Variants in CTNNA3 observed in about 807,000 individuals in gnomAD.
The protein encoded by CTNNA3 is catenin alpha 3.
Under a neutral mutation model 95.7 loss-of-function variants are expected in CTNNA3, and 76 were observed. The ratio of observed to expected loss-of-function variants is 0.79; its 90% CI spans 0.66 to 0.96. CTNNA3 has a LOEUF of 0.96. Among genes scored for constraint, CTNNA3 ranks in the 40% least tolerant of loss-of-function variants. The pLI, the probability that CTNNA3 is intolerant of heterozygous loss-of-function variation, is 0.00. For synonymous variants in CTNNA3, 431 were observed against 374.4 expected, an observed-to-expected ratio of 1.15 and a Z score of -1.74; for missense variants, 1,191 against 1,089.8, an observed-to-expected ratio of 1.09 and a Z score of -1.31.
chr10:66,620,190 T>C (rs1844695936), intron 10 of CTNNA3, among the ~76,000 whole-genome samples: 1 of 152,160 alleles, frequency 6.6e-6, no homozygotes, highest in Non-Finnish European at 1.5e-5. Flanking sequence ...GGACACCCAG[T>C]AGGTGCTCCA....
intron 2 of CTNNA3, among the ~76,000 whole-genome samples, chr10:67,621,599 A>G (rs1843846699): frequency 6.6e-6 from 1 of 152,050 alleles, no homozygotes. Flanking sequence ...AATACAAAAA[A>G]TTAGCTGGGC....
At chr10:66,397,294 A>T (rs564196657) in intron 11 of CTNNA3, among the ~76,000 whole-genome samples, 20 of 151,872 alleles carry the variant, frequency 1.3e-4, no homozygotes, top group African/African-American at 4.6e-4. Context: ...TTAAACAGAG[A>T]ACTCTTATAG....
intron 11 of CTNNA3, among the ~76,000 whole-genome samples, chr10:66,404,960 G>A (rs1354242610): frequency 1.3e-5 from 2 of 152,174 alleles, no homozygotes; most frequent in Non-Finnish European, 2.9e-5. Context: ...AAGTAAGCGT[G>A]ATATCCTAAA....
intron 13 of CTNNA3, among the ~76,000 whole-genome samples, chr10:66,205,778 C>T (rs1564763758): frequency 6.6e-6 from 1 of 151,774 alleles, no homozygotes; most frequent in Non-Finnish European, 1.5e-5. Flanking sequence ...ATAAAATGAT[C>T]CATTTATCCA....
At chr10:65,953,917 G>A (rs1165829800) in intron 17 of CTNNA3, among the ~76,000 whole-genome samples, 1 of 152,092 alleles carries the variant, frequency 6.6e-6, no homozygotes, top group Non-Finnish European at 1.5e-5. Flanking sequence ...GGGATGGCTG[G>A]GTCAAATGGT....
chr10:67,527,167 G>T (rs1840170570), intron 4 of CTNNA3, among the ~76,000 whole-genome samples: 1 of 152,146 alleles, frequency 6.6e-6, no homozygotes, highest in Non-Finnish European at 1.5e-5. Context: ...TGAGGCAAGA[G>T]AATTGCTTGA....
chr10:66,489,117 G>A (rs1370630021), intron 11 of CTNNA3, among the ~76,000 whole-genome samples: 1 of 152,110 alleles, frequency 6.6e-6, no homozygotes, highest in East Asian at 1.9e-4. Flanking sequence ...GTGCATTGAC[G>A]AACCAAGGTT....
intron 5 of CTNNA3, among the ~76,000 whole-genome samples, chr10:67,274,958 A>G (rs921021278): frequency 2.0e-5 from 3 of 152,198 alleles, no homozygotes; most frequent in African/African-American, 7.2e-5. Context: ...TGATTAAAGC[A>G]TTCATGAGAC....
intron 13 of CTNNA3, among the ~76,000 whole-genome samples, chr10:66,211,646 C>G (rs902661266): frequency 6.6e-6 from 1 of 152,172 alleles, no homozygotes; most frequent in African/African-American, 2.4e-5. Flanking sequence ...GAAGCCAACC[C>G]TAATATCTGC....
At chr10:66,454,835 G>A in intron 11 of CTNNA3, among the ~76,000 whole-genome samples, 1 of 143,432 alleles carries the variant, frequency 7.0e-6, no homozygotes, top group Non-Finnish European at 1.5e-5. Context: ...AGGGGGAGGA[G>A]GGGAAGAAAG....
At chr10:66,934,253 C>T (rs1432488496) in intron 7 of CTNNA3, among the ~76,000 whole-genome samples, 2 of 151,976 alleles carry the variant, frequency 1.3e-5, no homozygotes, top group African/African-American at 4.8e-5. Flanking sequence ...ACTTTATTAA[C>T]AATTCTCCAT....
At chr10:66,620,597 A>G (rs1446905428) in intron 10 of CTNNA3, among the ~76,000 whole-genome samples, 2 of 152,252 alleles carry the variant, frequency 1.3e-5, no homozygotes, top group East Asian at 3.9e-4. Context: ...ATGGGAGTAT[A>G]TTTCATTCAA....
chr10:67,639,665 A>C (rs917100225), intron 2 of CTNNA3, among the ~76,000 whole-genome samples: 2 of 152,156 alleles, frequency 1.3e-5, no homozygotes, highest in Non-Finnish European at 2.9e-5. Context: ...ACCATGATCT[A>C]GTGGGCTTCA....
intron 11 of CTNNA3, among the ~76,000 whole-genome samples, chr10:66,461,808 T>G (rs1288432927): frequency 7.1e-6 from 1 of 141,766 alleles, no homozygotes; most frequent in Non-Finnish European, 1.5e-5. Context: ...TCCTTGTATA[T>G]CTCCAATTTT....
intron 5 of CTNNA3, among the ~76,000 whole-genome samples, chr10:67,430,994 A>C (rs1368702755): frequency 6.6e-6 from 1 of 151,970 alleles, no homozygotes; most frequent in African/African-American, 2.4e-5. Context: ...GTTTGTTTAT[A>C]ATTGAAACTT....
At chr10:67,004,744 A>G (rs1589586499) in intron 7 of CTNNA3, among the ~76,000 whole-genome samples, 1 of 152,312 alleles carries the variant, frequency 6.6e-6, no homozygotes, top group South Asian at 2.1e-4. Context: ...TATCATGTCA[A>G]TTATTTGCTA....
chr10:66,867,694 G>A (rs1179054458), intron 7 of CTNNA3, among the ~76,000 whole-genome samples: 1 of 151,716 alleles, frequency 6.6e-6, no homozygotes, highest in East Asian at 1.9e-4. Context: ...TCGTTATTGG[G>A]AACAAAAAGC....
chr10:66,521,937 C>T (rs1277038069), intron 10 of CTNNA3, among the ~76,000 whole-genome samples: 1 of 152,148 alleles, frequency 6.6e-6, no homozygotes, highest in African/African-American at 2.4e-5. Context: ...TGCAGCTGAT[C>T]TGGGCAAAAT....
At chr10:67,601,603 A>G (rs996975500) in intron 3 of CTNNA3, among the ~76,000 whole-genome samples, 2 of 152,190 alleles carry the variant, frequency 1.3e-5, no homozygotes, top group African/African-American at 4.8e-5. Context: ...GAAACTATAT[A>G]AAGGTAGTAT....
Sources: allele counts gnomAD v4.1 joint callset (sites outside exome capture counted in the v4.1 genomes callset), GRCh38; gene constraint gnomAD v4.1.1; transcripts MANE v1.5; gene names NCBI Gene and HGNC (gene_info 2026-07-23, HGNC 2026-07-21).